COL11A1: variants seen among roughly 807,000 people sequenced by gnomAD.
COL11A1 encodes the protein collagen type XI alpha 1 chain.
Under a neutral mutation model 265.2 loss-of-function variants are expected in COL11A1, and 74 were observed. The observed-to-expected ratio is 0.28, with a 90% CI of 0.23 to 0.34. The LOEUF is 0.34. Among genes scored for constraint, COL11A1 ranks in the 10% least tolerant of loss-of-function variants. The pLI is 1.00. For synonymous variants in COL11A1, 816 were observed against 727.6 expected, an observed-to-expected ratio of 1.12 and a Z score of -1.96; for missense variants, 2,165 against 2,263.6, an observed-to-expected ratio of 0.96 and a Z score of 0.88.
intron 1 of COL11A1, among the ~76,000 whole-genome samples, chr1:103,093,699 G>T (rs1341424082): frequency 3.9e-5 from 6 of 152,108 alleles, no homozygotes; most frequent in Non-Finnish European, 8.8e-5. Flanking sequence ...TGTCCTTGAA[G>T]TTGGAAAATA....
At chr1:103,059,794 G>A (rs1241570604) in intron 4 of COL11A1, among the ~76,000 whole-genome samples, 7 of 152,048 alleles carry the variant, frequency 4.6e-5, no homozygotes, top group African/African-American at 1.2e-4. Flanking sequence ...AGTTTGAGGA[G>A]GTGATAATCA....
At chr1:102,967,905 T>C (rs1661601170) in intron 37 of COL11A1, among the ~76,000 whole-genome samples, 1 of 152,240 alleles carries the variant, frequency 6.6e-6, no homozygotes, top group Non-Finnish European at 1.5e-5. Context: ...GCAGAAAGTC[T>C]CGACAAAATT....
At chr1:102,887,909 C>T (rs1317225051) in intron 62 of COL11A1, among the ~76,000 whole-genome samples, 1 of 152,128 alleles carries the variant, frequency 6.6e-6, no homozygotes, top group Admixed American at 6.6e-5. Flanking sequence ...GACCCTTCCG[C>T]CATGGACCTC....
intron 49 of COL11A1, among the ~76,000 whole-genome samples, chr1:102,918,930 T>A (rs1570727231): frequency 6.6e-6 from 1 of 152,142 alleles, no homozygotes; most frequent in East Asian, 1.9e-4. Context: ...GGAAACAAGA[T>A]AAGCCGATAA....
At chr1:102,978,942 A>T in intron 33 of COL11A1, 29 bp from the exon 34 acceptor site, 1 of 1,613,910 alleles carries the variant, frequency 6.2e-7, no homozygotes. Flanking sequence ...GATGAACCCA[A>T]ACTAATGCCA....
At chr1:102,889,365 T>C (rs979230268) in intron 59 of COL11A1, 90 bp downstream of exon 59, 22 of 884,860 alleles carry the variant, frequency 2.5e-5, no homozygotes, top group African/African-American at 2.1e-4. Context: ...AATTCTTTCT[T>C]TGATCATACT....
At chr1:102,939,312 T>C (rs938698670) in intron 43 of COL11A1, among the ~76,000 whole-genome samples, 2 of 152,224 alleles carry the variant, frequency 1.3e-5, no homozygotes, top group Non-Finnish European at 2.9e-5. Flanking sequence ...TACAACTGAA[T>C]TTATAATTCA....
intron 35 of COL11A1, among the ~76,000 whole-genome samples, chr1:102,976,284 GTTGGC>G (rs1406948261): frequency 3.6e-5 from 3 of 84,104 alleles, no homozygotes; most frequent in African/African-American, 6.5e-5. Flanking sequence ...CACAGAAAAC[GTTGGC>G]TTTTTTTTTT....
At chr1:103,032,118 C>T (rs12744488) in intron 4 of COL11A1, among the ~76,000 whole-genome samples, 12,302 of 152,074 alleles carry the variant, frequency 0.081, 561 homozygotes, top group Middle Eastern at 0.16. Flanking sequence ...TTCAGAATTA[C>T]ACTCAGGCCT....
At chr1:102,886,443 CAT>C (rs1650990069) in intron 63 of COL11A1, among the ~76,000 whole-genome samples, 1 of 152,044 alleles carries the variant, frequency 6.6e-6, no homozygotes, top group Non-Finnish European at 1.5e-5. Flanking sequence ...AAATAATAAT[CAT>C]ATTAATGTAA....
intron 4 of COL11A1, among the ~76,000 whole-genome samples, chr1:103,042,075 T>C (rs1668855030): frequency 1.3e-5 from 2 of 152,104 alleles, no homozygotes; most frequent in African/African-American, 4.8e-5. Flanking sequence ...TTCTAACTTG[T>C]ACAAGGATTT....
Position 103,060,677 on chromosome 1 carries a change from CCT to C in COL11A1, c.651+13939_651+13940del, listed in dbSNP as rs1310686789. Among the ~76,000 whole-genome samples, 5 of 152,104 alleles carry C rather than the reference CCT, an allele frequency of 3.3e-5. No individual in the cohort carries two copies. The East Asian group carries it at 9.7e-4, about 29-fold the overall frequency. On this transcript the variant is annotated intron_variant, in intron 4 of 66. Coordinates refer to ENST00000370096, the MANE Select transcript of COL11A1 (RefSeq NM_001854.4). ...ATAGGTGTAAGTTCATATTTAAAAA[CCT>C]AGCCAGGTGAGGCGGCACATGCATT...
chr1:103,005,181 C>T (rs934054578), intron 18 of COL11A1, among the ~76,000 whole-genome samples: 5 of 151,958 alleles, frequency 3.3e-5, no homozygotes, highest in African/African-American at 7.2e-5. Flanking sequence ...GGTTTTCTTT[C>T]CTTTTACTAT....
chr1:102,939,612 G>A lies in COL11A1; in HGVS notation c.3385-524C>T, dbSNP rs533949746. On this transcript the variant is annotated intron_variant, in intron 43 of 66. Coordinates refer to ENST00000370096, the MANE Select transcript of COL11A1 (RefSeq NM_001854.4). The stretch of plus-strand genomic sequence containing the variant: ...TCAGCTACTTGGGAAGCTGAGGTGG[G>A]AGGATCGCTCAAGTCCAGGAGTTTG... Among the ~76,000 whole-genome samples, 135 of 152,102 alleles carry A rather than the reference G, an allele frequency of 8.9e-4. 1 individual carries two copies. The Middle Eastern group carries it at 0.01, about 11-fold the overall frequency.
chr1:102,911,031 G>T (rs1654611507), intron 54 of COL11A1, among the ~76,000 whole-genome samples: 1 of 152,060 alleles, frequency 6.6e-6, no homozygotes, highest in African/African-American at 2.4e-5. Flanking sequence ...AGCAGAAAGA[G>T]GCAATGGATA....
intron 1 of COL11A1, among the ~76,000 whole-genome samples, chr1:103,090,380 A>G (rs1673222582): frequency 1.3e-5 from 2 of 152,186 alleles, no homozygotes; most frequent in Admixed American, 1.3e-4. Context: ...AGTGAGATGT[A>G]GGACTGACAA....
chr1:103,016,661 G>A (rs1349626340), intron 11 of COL11A1, among the ~76,000 whole-genome samples: 1 of 151,888 alleles, frequency 6.6e-6, no homozygotes, highest in Non-Finnish European at 1.5e-5. Context: ...CTTTTCAAAT[G>A]TGAATTTCTC....
intron 44 of COL11A1, among the ~76,000 whole-genome samples, chr1:102,938,736 T>C (rs1444634077): frequency 1.3e-5 from 2 of 152,120 alleles, no homozygotes; most frequent in Admixed American, 1.3e-4. Context: ...TTGGTAAATA[T>C]ATGTATACAA....
chr1:103,087,189 A>G (rs1175030148), intron 1 of COL11A1, among the ~76,000 whole-genome samples: 1 of 152,236 alleles, frequency 6.6e-6, no homozygotes, highest in Non-Finnish European at 1.5e-5. Context: ...AACTGCTGGC[A>G]CAAACCATGT....
Sources: gnomAD v4.1 joint callset for allele counts (sites outside exome capture counted in the v4.1 genomes callset) on GRCh38, gnomAD v4.1.1 for gene constraint, MANE v1.5 for transcripts, NCBI Gene and HGNC (gene_info 2026-07-23, HGNC 2026-07-21) for gene names.